Variants in UNC5D observed in about 807,000 individuals in gnomAD.
UNC5D encodes netrin receptor UNC5D.
A neutral mutation model predicts 105.4 loss-of-function variants in UNC5D; 39 were observed. The ratio of observed to expected loss-of-function variants is 0.37; its 90% CI spans 0.29 to 0.48. UNC5D has a LOEUF of 0.48. Ranked by LOEUF, UNC5D falls within the 20% of genes least tolerant of loss-of-function variation. UNC5D has a pLI of 0.98. For missense variants in UNC5D, 991 were observed against 1,202.4 expected (o/e 0.82, Z 2.60); for synonymous variants, 452 against 450.4 (o/e 1.00, Z -0.04).
chr8:35,273,323 A>G (rs1189361005), intron 1 of UNC5D, among the ~76,000 whole-genome samples: 1 of 152,260 alleles, frequency 6.6e-6, no homozygotes, highest in Non-Finnish European at 1.5e-5. Context: ...TTCTGTTGCT[A>G]CACAACATGT....
chr8:35,682,216 G>A (rs1451529554), intron 4 of UNC5D, among the ~76,000 whole-genome samples: 2 of 152,188 alleles, frequency 1.3e-5, no homozygotes, highest in Non-Finnish European at 2.9e-5. Flanking sequence ...GCCCGCCTCG[G>A]CCTCTCAACG....
intron 1 of UNC5D, among the ~76,000 whole-genome samples, chr8:35,472,910 G>A (rs1445554184): frequency 6.6e-6 from 1 of 152,150 alleles, no homozygotes; most frequent in Non-Finnish European, 1.5e-5. Flanking sequence ...CCAAATGTTG[G>A]ATTTTCCACA....
chr8:35,281,749 A>G (rs1806190222), intron 1 of UNC5D, among the ~76,000 whole-genome samples: 1 of 152,182 alleles, frequency 6.6e-6, no homozygotes, highest in Non-Finnish European at 1.5e-5. Context: ...CTGTTCTTGC[A>G]TCTTCATTAC....
chr8:35,454,604 T>C (rs533367653), intron 1 of UNC5D, among the ~76,000 whole-genome samples: 2 of 152,142 alleles, frequency 1.3e-5, no homozygotes, highest in Non-Finnish European at 2.9e-5. Flanking sequence ...TTTTCCCATA[T>C]ATATACCTTC....
chr8:35,612,301 T>C (rs1166025067), intron 4 of UNC5D, among the ~76,000 whole-genome samples: 1 of 152,166 alleles, frequency 6.6e-6, no homozygotes, highest in East Asian at 1.9e-4. Flanking sequence ...CAGCCCCAAA[T>C]CAGCTTTGTC....
At chr8:35,352,338 A>G (rs1313772451) in intron 1 of UNC5D, among the ~76,000 whole-genome samples, 3 of 152,106 alleles carry the variant, frequency 2.0e-5, no homozygotes, top group East Asian at 1.9e-4. Context: ...GGAAAATCCA[A>G]TGATTTTTTT....
intron 1 of UNC5D, among the ~76,000 whole-genome samples, chr8:35,465,861 G>A (rs924881300): frequency 6.6e-6 from 1 of 152,134 alleles, no homozygotes; most frequent in South Asian, 2.1e-4. Context: ...GGATGTTATC[G>A]TAGAAGACAA....
chr8:35,441,136 G>C (rs1259295345), intron 1 of UNC5D, among the ~76,000 whole-genome samples: 2 of 151,884 alleles, frequency 1.3e-5, no homozygotes, highest in African/African-American at 4.8e-5. Flanking sequence ...GCTGGATCCA[G>C]AGATTATAGT....
intron 1 of UNC5D, among the ~76,000 whole-genome samples, chr8:35,347,740 C>T (rs537214287): frequency 5.3e-5 from 8 of 152,044 alleles, no homozygotes; most frequent in African/African-American, 1.9e-4. Context: ...GATCGGTGCT[C>T]TTTGTACTTC....
chr8:35,751,502 T>C (rs1261538631), intron 13 of UNC5D, among the ~76,000 whole-genome samples: 5 of 152,180 alleles, frequency 3.3e-5, no homozygotes, highest in Non-Finnish European at 1.5e-5. Context: ...TAAACTATAA[T>C]ATAAGCTAAG....
At chr8:35,292,407 T>G (rs1202358966) in intron 1 of UNC5D, among the ~76,000 whole-genome samples, 1 of 152,202 alleles carries the variant, frequency 6.6e-6, no homozygotes, top group African/African-American at 2.4e-5. Flanking sequence ...TATTCAGAAC[T>G]TCAGTTATTA....
chr8:35,592,346 T>C (rs1819223070), intron 3 of UNC5D, among the ~76,000 whole-genome samples: 1 of 152,198 alleles, frequency 6.6e-6, no homozygotes, highest in Admixed American at 6.5e-5. Context: ...TTCGGTTCTA[T>C]GGTTTGTTTC....
chr8:35,783,723 C>T (rs1802612444), intron 16 of UNC5D, among the ~76,000 whole-genome samples: 1 of 152,152 alleles, frequency 6.6e-6, no homozygotes, highest in Admixed American at 6.5e-5. Flanking sequence ...TTGGGAAGAT[C>T]TGAAAGCTTT....
At chr8:35,563,363 T>TG (rs1298832890) in intron 2 of UNC5D, among the ~76,000 whole-genome samples, 9 of 15,636 alleles carry the variant, frequency 5.8e-4, no homozygotes, top group South Asian at 2.8e-3. Flanking sequence ...TTGTGGGGGG[T>TG]GGGGGGGTGG....
chr8:35,612,902 GC>G (rs1206918166), intron 4 of UNC5D, among the ~76,000 whole-genome samples: 1 of 151,968 alleles, frequency 6.6e-6, no homozygotes, highest in Non-Finnish European at 1.5e-5. Flanking sequence ...CCCAACAAAT[GC>G]CTTTTCTAAT....
At chr8:35,539,801 A>T (rs977854462) in intron 1 of UNC5D, among the ~76,000 whole-genome samples, 2 of 152,242 alleles carry the variant, frequency 1.3e-5, no homozygotes, top group Non-Finnish European at 2.9e-5. Flanking sequence ...GACATCTAAC[A>T]GGAGTGTATT....
At chr8:35,394,321 G>A (rs1563374312) in intron 1 of UNC5D, among the ~76,000 whole-genome samples, 2 of 152,084 alleles carry the variant, frequency 1.3e-5, no homozygotes, top group African/African-American at 4.8e-5. Context: ...TCTATTTGTG[G>A]TATATTTCTC....
intron 1 of UNC5D, among the ~76,000 whole-genome samples, chr8:35,513,796 T>C (rs1451014544): frequency 6.6e-6 from 1 of 152,224 alleles, no homozygotes; most frequent in African/African-American, 2.4e-5. Flanking sequence ...ATGGGAATGA[T>C]GTGTGTATAA....
At chr8:35,553,668 T>C (rs991695592) in intron 2 of UNC5D, among the ~76,000 whole-genome samples, 1 of 152,192 alleles carries the variant, frequency 6.6e-6, no homozygotes, top group African/African-American at 2.4e-5. Context: ...AATAGTAGAA[T>C]TGTGGAAACA....
Sources: gnomAD v4.1 joint callset for allele counts (sites outside exome capture counted in the v4.1 genomes callset) on GRCh38, gnomAD v4.1.1 for gene constraint, MANE v1.5 for transcripts, NCBI Gene and HGNC (gene_info 2026-07-23, HGNC 2026-07-21) for gene names.